SLC35F3: variants seen among roughly 807,000 people sequenced by gnomAD.
SLC35F3 encodes solute carrier family 35 member F3.
In SLC35F3, 25 loss-of-function variants were observed where a neutral mutation model predicts 49.9. That is an observed-to-expected ratio of 0.50 (90% CI 0.37 to 0.70). SLC35F3 has a LOEUF of 0.70. SLC35F3 is among the 30% of genes least tolerant of loss of function. SLC35F3 has a pLI of 0.00. For synonymous variants in SLC35F3, 275 were observed against 265.4 expected (o/e 1.04, Z -0.35); for missense variants, 525 against 639.8 (o/e 0.82, Z 1.94).
chr1:233,992,505 C>T (rs761762769), intron 2 of SLC35F3, among the ~76,000 whole-genome samples: 50 of 152,290 alleles, frequency 3.3e-4, no homozygotes, highest in South Asian at 1.4e-3. Context: ...AACCCACTCT[C>T]TTAGGAACTA....
At chr1:234,318,308 G>A (rs917457178) in intron 5 of SLC35F3, among the ~76,000 whole-genome samples, 1 of 152,234 alleles carries the variant, frequency 6.6e-6, no homozygotes, top group East Asian at 1.9e-4. Context: ...ATGGAGCAGA[G>A]ATGAGCAAAA....
intron 2 of SLC35F3, among the ~76,000 whole-genome samples, chr1:234,191,757 T>C (rs1666733411): frequency 6.6e-6 from 1 of 151,764 alleles, no homozygotes; most frequent in East Asian, 1.9e-4. Flanking sequence ...CAGCTGGAAA[T>C]GAAATGGGAG....
intron 2 of SLC35F3, among the ~76,000 whole-genome samples, chr1:234,050,982 C>G (rs1161967732): frequency 6.6e-6 from 1 of 152,100 alleles, no homozygotes; most frequent in Non-Finnish European, 1.5e-5. Flanking sequence ...GCTCTGTTCT[C>G]TTCCATTGGT....
chr1:234,266,651 C>G (rs1667983169), intron 3 of SLC35F3, among the ~76,000 whole-genome samples: 1 of 152,184 alleles, frequency 6.6e-6, no homozygotes, highest in African/African-American at 2.4e-5. Context: ...TGCTGCACAC[C>G]TAGGCTATAA....
intron 2 of SLC35F3, among the ~76,000 whole-genome samples, chr1:234,108,460 A>G (rs868721259): frequency 3.3e-5 from 3 of 90,014 alleles, no homozygotes; most frequent in African/African-American, 1.1e-4. Context: ...TATATTATTT[A>G]TATATATAAA....
At chr1:233,919,756 G>T (rs1245082739) in intron 2 of SLC35F3, among the ~76,000 whole-genome samples, 1 of 152,092 alleles carries the variant, frequency 6.6e-6, no homozygotes, top group Non-Finnish European at 1.5e-5. Context: ...CCTTCCCCCC[G>T]GCTACCAAGA....
chr1:234,084,210 A>G (rs1325715776), intron 2 of SLC35F3, among the ~76,000 whole-genome samples: 1 of 136,526 alleles, frequency 7.3e-6, no homozygotes, highest in Non-Finnish European at 1.5e-5. Flanking sequence ...ACTGTTGGTG[A>G]TAAGGAATAG....
intron 2 of SLC35F3, among the ~76,000 whole-genome samples, chr1:233,977,724 C>G (rs1416358323): frequency 6.6e-6 from 1 of 152,196 alleles, no homozygotes; most frequent in East Asian, 1.9e-4. Context: ...CTGAAGCCCT[C>G]AACAGCAGTT....
At chr1:234,002,446 G>A (rs971231880) in intron 2 of SLC35F3, among the ~76,000 whole-genome samples, 4 of 152,130 alleles carry the variant, frequency 2.6e-5, no homozygotes, top group African/African-American at 9.7e-5. Flanking sequence ...AAAGTTTTGA[G>A]AAATATTGGT....
chr1:233,989,743 GA>G (rs1244776947), intron 2 of SLC35F3, among the ~76,000 whole-genome samples: 12 of 152,142 alleles, frequency 7.9e-5, no homozygotes, highest in Non-Finnish European at 1.5e-4. Context: ...TTCCTGAAAT[GA>G]AGAGCTTTAG....
chr1:234,242,089 T>G (rs1667562961), intron 3 of SLC35F3, among the ~76,000 whole-genome samples: 1 of 152,226 alleles, frequency 6.6e-6, no homozygotes. Context: ...CAGGAGCCAG[T>G]GGGAACAGGA....
chr1:234,115,034 G>A (rs1291041339), intron 2 of SLC35F3, among the ~76,000 whole-genome samples: 1 of 152,158 alleles, frequency 6.6e-6, no homozygotes, highest in Admixed American at 6.5e-5. Flanking sequence ...GGGTCAATAT[G>A]ATGAGGTCTT....
chr1:234,038,908 G>GA (rs1296468150), intron 2 of SLC35F3, among the ~76,000 whole-genome samples: 1 of 152,170 alleles, frequency 6.6e-6, no homozygotes, highest in Non-Finnish European at 1.5e-5. Flanking sequence ...TCTGGACTGG[G>GA]AAAATGGAAA....
intron 3 of SLC35F3, among the ~76,000 whole-genome samples, chr1:234,298,185 G>C (rs1668635677): frequency 6.6e-6 from 1 of 152,172 alleles, no homozygotes; most frequent in Non-Finnish European, 1.5e-5. Context: ...GAGAAAGACA[G>C]TGTGAGTGAT....
At chr1:234,191,764 G>A (rs1425444075) in intron 2 of SLC35F3, among the ~76,000 whole-genome samples, 2 of 152,066 alleles carry the variant, frequency 1.3e-5, no homozygotes, top group Non-Finnish European at 2.9e-5. Context: ...AAATGAAATG[G>A]GAGATATTAC....
intron 3 of SLC35F3, among the ~76,000 whole-genome samples, chr1:234,247,594 G>T (rs1667655431): frequency 6.6e-6 from 1 of 152,158 alleles, no homozygotes; most frequent in Non-Finnish European, 1.5e-5. Flanking sequence ...TTGTTTGGTG[G>T]GTTGAATGGC....
At chr1:234,319,759 C>T (rs1048277056) in intron 6 of SLC35F3, among the ~76,000 whole-genome samples, 1 of 151,550 alleles carries the variant, frequency 6.6e-6, no homozygotes, top group African/African-American at 2.4e-5. Context: ...ATTCCCAGAG[C>T]TCCTGTTCAT....
chr1:234,206,598 C>G (rs1409636960), intron 2 of SLC35F3, among the ~76,000 whole-genome samples: 1 of 152,088 alleles, frequency 6.6e-6, no homozygotes, highest in Non-Finnish European at 1.5e-5. Flanking sequence ...AGTGACTTTC[C>G]ACGCATTCGT....
chr1:234,104,586 G>A (rs1183982641), intron 2 of SLC35F3, among the ~76,000 whole-genome samples: 1 of 152,062 alleles, frequency 6.6e-6, no homozygotes, highest in Non-Finnish European at 1.5e-5. Context: ...ATGACCTGTA[G>A]CAAATATTTT....
Sources: allele counts gnomAD v4.1 joint callset (sites outside exome capture counted in the v4.1 genomes callset), GRCh38; gene constraint gnomAD v4.1.1; transcripts MANE v1.5; gene names NCBI Gene and HGNC (gene_info 2026-07-23, HGNC 2026-07-21).